PRPF3: variants seen among roughly 807,000 people sequenced by gnomAD.
PRPF3 encodes the protein U4/U6 small nuclear ribonucleoprotein Prp3.
A neutral mutation model predicts 89.2 loss-of-function variants in PRPF3; 3 were observed. The observed-to-expected ratio is 0.03, with a 90% CI of 0.02 to 0.09. PRPF3 has a LOEUF of 0.09. Ranked by LOEUF, PRPF3 falls within the 10% of genes least tolerant of loss-of-function variation. The probability of loss-of-function intolerance (pLI) is 1.00; values close to 1 mark genes in which losing one functional copy is unlikely to be tolerated. For missense variants in PRPF3, 463 were observed against 828.8 expected (o/e 0.56, Z 5.42); for synonymous variants, 270 against 289.1 (o/e 0.93, Z 0.67).
In PRPF3 at chr1:150,353,131, C is replaced by T; in HGVS notation, c.*152C>T. 6.2e-6 allele frequency: 6 copies of T among 966,190 alleles called. No individual in the cohort carries two copies. Among genetic ancestry groups the T allele is most frequent in the Non-Finnish European group, 8.3e-6 (5 of 605,120 alleles). 59.9% of individuals were successfully genotyped at this position (966,190 alleles called of 1,614,324 possible). On this transcript the variant is annotated 3_prime_UTR_variant, in exon 16 of 16. Coordinates refer to ENST00000324862, the MANE Select transcript of PRPF3 (RefSeq NM_004698.4). ...AAAGGGAGAATATCTTGCTCCCCTCCTGAGTCAGCCTGGTGTTGCCCTTTA... is the reference window on the plus strand; with the variant it reads ...AAAGGGAGAATATCTTGCTCCCCTCTTGAGTCAGCCTGGTGTTGCCCTTTA...
rs1656554665 is a variant in PRPF3 at position 150,332,781 on chromosome 1, A to T, written c.507+14A>T. On this transcript the variant is annotated intron_variant, in intron 5 of 15. Transcript: ENST00000324862. ...CCTACACCTCAGGTATTGTGTCTAG[A>T]TTACTCTGAACAGAATAATCTTTGG... 1.9e-6 allele frequency: 3 copies of T among 1,612,714 alleles called. No homozygotes were observed. The highest frequency in any genetic ancestry group is 2.2e-5 in the South Asian group (2 of 91,014).
intron 6 of PRPF3, among the ~76,000 whole-genome samples, chr1:150,334,288 A>C (rs1202666865): frequency 6.6e-6 from 1 of 152,172 alleles, no homozygotes; most frequent in Non-Finnish European, 1.5e-5. Context: ...CCTGGGCAGC[A>C]GAGTGAGACC....
chr1:150,326,572 C>G (rs1281952527), intron 3 of PRPF3, among the ~76,000 whole-genome samples: 2 of 152,018 alleles, frequency 1.3e-5, no homozygotes, highest in African/African-American at 4.8e-5. Context: ...TTCTGTGACT[C>G]CTATCAAACC....
intron 7 of PRPF3, 76 bp downstream of exon 7, chr1:150,335,317 G>A (rs1450495195): frequency 3.3e-6 from 5 of 1,512,816 alleles, no homozygotes; most frequent in Admixed American, 3.4e-5. Flanking sequence ...AAATCTCTGT[G>A]TTCTAGGAAA....
chr1:150,331,889 C>T (rs1452430450), intron 4 of PRPF3, among the ~76,000 whole-genome samples: 2 of 151,934 alleles, frequency 1.3e-5, no homozygotes, highest in Non-Finnish European at 2.9e-5. Flanking sequence ...TCTTGTTTCC[C>T]AAACTAGTAG....
At chr1:150,322,634 C>T (rs587774153) in intron 1 of PRPF3, among the ~76,000 whole-genome samples, 12 of 152,338 alleles carry the variant, frequency 7.9e-5, no homozygotes, top group Middle Eastern at 3.4e-3. Flanking sequence ...TTCATCACTT[C>T]AATCTACTAG....
intron 9 of PRPF3, among the ~76,000 whole-genome samples, chr1:150,340,989 C>G (rs1037901434): frequency 6.6e-6 from 1 of 151,608 alleles, no homozygotes; most frequent in South Asian, 2.1e-4. Flanking sequence ...TCTGTAGTCC[C>G]AGCCTCTTGG....
intron 15 of PRPF3, among the ~76,000 whole-genome samples, chr1:150,352,023 C>T (rs1160658880): frequency 6.6e-6 from 1 of 152,140 alleles, no homozygotes; most frequent in Non-Finnish European, 1.5e-5. Flanking sequence ...TGAGGTATTG[C>T]TTTATGACTG....
intron 4 of PRPF3, among the ~76,000 whole-genome samples, chr1:150,328,876 G>C (rs1197381705): frequency 6.6e-6 from 1 of 151,952 alleles, no homozygotes; most frequent in Non-Finnish European, 1.5e-5. Flanking sequence ...TCTTTTAGTA[G>C]AGACAGGGTT....
intron 15 of PRPF3, among the ~76,000 whole-genome samples, chr1:150,351,493 CT>C: frequency 6.6e-6 from 1 of 151,672 alleles, no homozygotes; most frequent in Non-Finnish European, 1.5e-5. Context: ...TATTTGTTAT[CT>C]TTTTTTAATC....
chr1:150,323,135 A>C (rs1655264763), intron 1 of PRPF3, among the ~76,000 whole-genome samples: 1 of 138,644 alleles, frequency 7.2e-6, no homozygotes, highest in Non-Finnish European at 1.5e-5. Flanking sequence ...TTGGCCTCCC[A>C]AAGTGTTGGG....
intron 13 of PRPF3, 60 bp from the exon 14 acceptor site, chr1:150,346,348 G>T: frequency 1.3e-6 from 2 of 1,514,114 alleles, no homozygotes; most frequent in Non-Finnish European, 1.8e-6. Context: ...TGAGCTCAGA[G>T]GTTCTTTCTA....
At chr1:150,333,288 A>G in intron 6 of PRPF3, 89 bp downstream of exon 6, 1 of 1,405,364 alleles carries the variant, frequency 7.1e-7, no homozygotes, top group Non-Finnish European at 9.9e-7. Context: ...GGCTGGGCGC[A>G]GTGCCTCAGG....
chr1:150,345,386 T>C (rs1553872610), intron 12 of PRPF3, among the ~76,000 whole-genome samples: 2 of 152,138 alleles, frequency 1.3e-5, no homozygotes, highest in African/African-American at 4.8e-5. Context: ...GTTTCAGTCT[T>C]GTTGCCCAGG....
At chr1:150,328,569 T>TTTTTTTTTTTA (rs1655968369) in intron 4 of PRPF3, 103 bp downstream of exon 4, 2 of 1,329,110 alleles carry the variant, frequency 1.5e-6, no homozygotes, top group Admixed American at 2.2e-5. Context: ...TTTTTTTTTT[T>TTTTTTTTTTTA]GAGGTGGAGT....
chr1:150,324,902 A>C lies in PRPF3; in HGVS notation c.-41A>C. 1.4e-6 allele frequency: 2 copies of C among 1,431,832 alleles called. No homozygotes were observed. Among genetic ancestry groups the C allele is most frequent in the Non-Finnish European group, 1.9e-6 (2 of 1,050,130 alleles). 88.7% of individuals were successfully genotyped at this position (1,431,832 alleles called of 1,614,324 possible). On this transcript the variant is annotated 5_prime_UTR_variant, in exon 2 of 16. Transcript: ENST00000324862. ...TCTCTTTTTTTTTTTTAGGTGTAGT[A>C]TTGAGTCCTGTTTGAGCTATTGTTC...
chr1:150,324,990 G>C lies in PRPF3; in HGVS notation c.48G>C (p.Glu16Asp). The C allele has an allele frequency of 6.2e-7, 1 of 1,612,578 alleles. No homozygotes were observed. The highest frequency in any genetic ancestry group is 8.5e-7 in the Non-Finnish European group (1 of 1,179,540). Residue 16 changes from glutamate to aspartate, a missense_variant, in exon 2 of 16, where the codon GAG becomes GAC. By Grantham distance (45) the Glu-to-Asp change is conservative. Around this residue, in one of 8 missense-constraint regions of PRPF3, gnomAD observed 33 missense variants for 83.1 expected, o/e 0.40. Transcript: ENST00000324862. The stretch of plus-strand genomic sequence containing the variant: ...TGGATGAGCTGAAACCATGGATAGA[G>C]AAGACAGTGAAGAGGGTCCTGGGTT... ...RELDELKPWI[E>D]KTVKRVLGFS...
intron 8 of PRPF3, 66 bp from the exon 9 acceptor site, chr1:150,340,332 T>C: frequency 8.3e-7 from 1 of 1,209,144 alleles, no homozygotes; most frequent in South Asian, 1.2e-5. Context: ...ATTGTATTTC[T>C]GAGACTCCTC....
chr1:150,334,891 T>C (rs960232056), intron 6 of PRPF3, 44 bp from the exon 7 acceptor site: 2 of 1,609,608 alleles, frequency 1.2e-6, no homozygotes, highest in East Asian at 4.5e-5. Flanking sequence ...TTGCTTGCCT[T>C]AATGTTCCAT....
Sources: allele counts gnomAD v4.1 joint callset (sites outside exome capture counted in the v4.1 genomes callset), GRCh38; gene constraint gnomAD v4.1.1; regional missense constraint gnomAD v4.1.1; transcripts MANE v1.5; gene names NCBI Gene and HGNC (gene_info 2026-07-23, HGNC 2026-07-21).